The following CWF19L2 variants were observed in gnomAD, a reference collection of about 807,000 sequenced individuals.
CWF19L2 encodes the protein CWF19-like protein 2.
CWF19L2 carries 98 observed loss-of-function variants against 111.7 expected under a neutral mutation model. That is an observed-to-expected ratio of 0.88 (90% CI 0.75 to 1.04). The LOEUF is 1.04. CWF19L2 is among the 50% of genes least tolerant of loss of function. The pLI is 0.00. For missense variants in CWF19L2, 1,101 were observed against 1,051.4 expected (o/e 1.05, Z -0.65); for synonymous variants, 351 against 342.9 (o/e 1.02, Z -0.26).
intron 13 of CWF19L2, among the ~76,000 whole-genome samples, chr11:107,350,436 GATTA>G (rs1269662680): frequency 6.6e-6 from 1 of 152,114 alleles, no homozygotes; most frequent in East Asian, 1.9e-4. Flanking sequence ...TTATGAATGG[GATTA>G]ATTATCTTAT....
intron 3 of CWF19L2, among the ~76,000 whole-genome samples, chr11:107,443,833 C>T (rs1310761818): frequency 2.0e-5 from 3 of 152,206 alleles, no homozygotes; most frequent in African/African-American, 7.2e-5. Context: ...TACCAATTCC[C>T]ATATTCTCAG....
chr11:107,331,429 C>A (rs1168066188), intron 16 of CWF19L2, among the ~76,000 whole-genome samples: 1 of 151,986 alleles, frequency 6.6e-6, no homozygotes, highest in East Asian at 1.9e-4. Context: ...CATAAGGACA[C>A]TAATAAGAGA....
At chr11:107,394,283 T>A (rs1156877756) in intron 10 of CWF19L2, among the ~76,000 whole-genome samples, 2 of 152,142 alleles carry the variant, frequency 1.3e-5, no homozygotes, top group Non-Finnish European at 2.9e-5. Flanking sequence ...TCTTCCTCAA[T>A]AAATAAACGA....
intron 10 of CWF19L2, among the ~76,000 whole-genome samples, chr11:107,397,555 G>A (rs973480184): frequency 5.0e-5 from 7 of 141,164 alleles, no homozygotes; most frequent in South Asian, 2.3e-4. Flanking sequence ...GCCTAGCCCC[G>A]CCCCCACCTG....
In CWF19L2 at chr11:107,445,913, A is replaced by T. The variant is rs555630888; in HGVS notation, c.340-2864T>A. 5.9e-5 allele frequency among the ~76,000 whole-genome samples: 9 copies of T among 152,284 alleles called. No homozygotes were observed. The East Asian group carries it at 1.7e-3, about 29-fold the overall frequency. On this transcript the variant is annotated intron_variant, in intron 3 of 17. Transcript: ENST00000282251. ...AAGCCTTATGATCAAGTGTCCAATT[A>T]GATGTAAACAAAAGTATTTTATGGG...
chr11:107,378,784 A>C (rs138116910), intron 12 of CWF19L2, among the ~76,000 whole-genome samples: 1,623 of 152,078 alleles, frequency 0.011, 24 homozygotes, highest in African/African-American at 0.036. Context: ...AAATAAATAA[A>C]TAAAAATAAA....
At chr11:107,390,934 G>A (rs1022477957) in intron 11 of CWF19L2, among the ~76,000 whole-genome samples, 2 of 152,234 alleles carry the variant, frequency 1.3e-5, no homozygotes, top group Non-Finnish European at 2.9e-5. Context: ...CAGAGATGTT[G>A]AAATGACTTG....
At chr11:107,356,066 AGAAAT>A (rs1860233016) in intron 12 of CWF19L2, among the ~76,000 whole-genome samples, 1 of 152,228 alleles carries the variant, frequency 6.6e-6, no homozygotes. Flanking sequence ...AATCAGTAAC[AGAAAT>A]ATTTTTGGAA....
At chr11:107,426,791 T>A (rs59887231) in intron 8 of CWF19L2, among the ~76,000 whole-genome samples, 1,953 of 151,746 alleles carry the variant, frequency 0.013, 35 homozygotes, top group African/African-American at 0.044. Flanking sequence ...TATAAAATTT[T>A]ATACATTAAG....
intron 9 of CWF19L2, among the ~76,000 whole-genome samples, chr11:107,417,332 T>A (rs1861241258): frequency 6.6e-6 from 1 of 152,212 alleles, no homozygotes; most frequent in Admixed American, 6.5e-5. Flanking sequence ...GATGAATGGA[T>A]AAATGCAGCT....
At chr11:107,434,997 T>G (rs1861520483) in intron 6 of CWF19L2, among the ~76,000 whole-genome samples, 1 of 152,140 alleles carries the variant, frequency 6.6e-6, no homozygotes, top group African/African-American at 2.4e-5. Context: ...GTAGGAAGGT[T>G]TTTATATTCA....
In CWF19L2 at chr11:107,441,714, C is replaced by T. The variant is rs1195640014; in HGVS notation, c.451-92G>A. 3.8e-6 allele frequency: 5 copies of T among 1,306,078 alleles called. No homozygotes were observed. In the African/African-American group the frequency reaches 6.1e-5, roughly 16 times the overall value. 80.9% of individuals were successfully genotyped at this position (1,306,078 alleles called of 1,614,324 possible). A position where few individuals can be genotyped will look rare whatever the true frequency, so the allele number is the denominator to read the frequency against. ...TTTAATAAACACTTGGTAATAAGAG[C>T]AGGGACTTTGGAGGCAATCAAACCT... On this transcript the variant is annotated intron_variant, in intron 4 of 17. Coordinates refer to ENST00000282251, the MANE Select transcript of CWF19L2 (RefSeq NM_152434.3).
At chr11:107,433,236 T>C (rs549509721) in intron 7 of CWF19L2, among the ~76,000 whole-genome samples, 2 of 152,258 alleles carry the variant, frequency 1.3e-5, no homozygotes, top group East Asian at 1.9e-4. Flanking sequence ...CACAGTTTCA[T>C]TGTTTTAAGA....
chr11:107,427,824 G>C (rs1861402063), intron 8 of CWF19L2, among the ~76,000 whole-genome samples: 1 of 152,028 alleles, frequency 6.6e-6, no homozygotes, highest in Non-Finnish European at 1.5e-5. Flanking sequence ...ATGTGAACCA[G>C]AGTCCATTTG....
chr11:107,450,884 A>G (rs1322001348), intron 3 of CWF19L2, among the ~76,000 whole-genome samples: 1 of 152,166 alleles, frequency 6.6e-6, no homozygotes, highest in Non-Finnish European at 1.5e-5. Context: ...GAAAGCAGAA[A>G]TAGGTAAAAT....
At position 107,394,548 on chromosome 11, in the gene CWF19L2, C is replaced by T. The variant is rs564324638; in HGVS notation, c.1618-1653G>A. Among the ~76,000 whole-genome samples the T allele has an allele frequency of 2.0e-5, 3 of 152,298 alleles. No individual in the cohort carries two copies. In the South Asian group the frequency reaches 6.2e-4, roughly 32 times the overall value. On this transcript the variant is annotated intron_variant, in intron 10 of 17. Transcript: ENST00000282251. The stretch of plus-strand genomic sequence containing the variant: ...TTATTTCAGTTTTAAACACTCTACT[C>T]TCTCCTGGTTCTGCCTTTACCTCTC...
intron 12 of CWF19L2, among the ~76,000 whole-genome samples, chr11:107,362,424 G>A (rs1350826647): frequency 1.3e-5 from 2 of 152,036 alleles, no homozygotes; most frequent in Non-Finnish European, 2.9e-5. Context: ...AAATGTCCCT[G>A]TCTGACAGCT....
chr11:107,385,604 C>T (rs1860753254), intron 12 of CWF19L2, among the ~76,000 whole-genome samples: 1 of 152,226 alleles, frequency 6.6e-6, no homozygotes. Context: ...CAGTAACCCC[C>T]CTTTACCTGT....
At chr11:107,424,323 C>T (rs1861344802) in intron 8 of CWF19L2, among the ~76,000 whole-genome samples, 3 of 151,540 alleles carry the variant, frequency 2.0e-5, no homozygotes, top group Admixed American at 2.0e-4. Flanking sequence ...CTTGCTTCTT[C>T]TAAAAAGGAT....
Sources: allele counts gnomAD v4.1 joint callset (sites outside exome capture counted in the v4.1 genomes callset), GRCh38; gene constraint gnomAD v4.1.1; transcripts MANE v1.5; gene names NCBI Gene and HGNC (gene_info 2026-07-23, HGNC 2026-07-21).